Variants in TBC1D8B observed in about 807,000 individuals in gnomAD.
TBC1D8B encodes TBC1 domain family member 8B.
TBC1D8B carries 75 observed loss-of-function variants against 82.9 expected under a neutral mutation model. The ratio of observed to expected loss-of-function variants is 0.90; its 90% CI spans 0.75 to 1.10. TBC1D8B has a LOEUF of 1.10. Ranked by LOEUF, TBC1D8B falls within the 50% of genes least tolerant of loss-of-function variation. The probability of loss-of-function intolerance (pLI) is 0.00; values close to 1 mark genes in which losing one functional copy is unlikely to be tolerated. For missense variants in TBC1D8B, 794 were observed against 796.9 expected, an observed-to-expected ratio of 1.00 and a Z score of 0.04; for synonymous variants, 276 against 276.8, an observed-to-expected ratio of 1.00 and a Z score of 0.03.
chrX:106,806,560 C>T (rs1339353106), intron 1 of TBC1D8B, among the ~76,000 whole-genome samples: 1 of 111,549 alleles, frequency 9.0e-6, no homozygotes, highest in African/African-American at 3.3e-5. Flanking sequence ...CTACTAAGTA[C>T]TCTAGTATAT....
Position 106,865,396 on chromosome X carries a change from A to C in TBC1D8B, c.2353-163A>C, listed in dbSNP as rs1037146894. ...TTTTTAAAAGGAAAAATAGATAATA[A>C]CTTTATAATATAATAACTTATAATA... On this transcript the variant is annotated intron_variant, in intron 14 of 20. Transcript: ENST00000357242. The C allele has an allele frequency of 1.5e-5, 4 of 260,425 alleles. No individual in the cohort carries two copies. The Admixed American group carries it at 2.5e-4, about 17-fold the overall frequency. 21.5% of individuals were successfully genotyped at this position (260,425 alleles called of 1,213,427 possible).
At chrX:106,805,957 G>T (rs1569447898) in intron 1 of TBC1D8B, among the ~76,000 whole-genome samples, 1 of 112,429 alleles carries the variant, frequency 8.9e-6, no homozygotes, top group African/African-American at 3.2e-5. Context: ...ATGAAGAAAT[G>T]ATAATGATCA....
Position 106,873,938 on chromosome X carries a change from T to C in TBC1D8B, c.3336T>C (p.Ser1112=). Residue 1112 remains serine, a synonymous_variant, in exon 21 of 21, where the codon TCT becomes TCC. Transcript: ENST00000357242. ...CCAAGCTGGAAAATGCAAGAATTTC[T>C]CAGTTAAGGTCTAGAACCAAGATGT... ...VKAKLENARI[S]QLRSRTKM is the part of the protein sequence containing the mutation. 1.7e-6 allele frequency: 2 copies of C among 1,198,043 alleles called. No individual in the cohort carries two copies. Among genetic ancestry groups the C allele is most frequent in the Non-Finnish European group, 2.2e-6 (2 of 889,869 alleles).
At chrX:106,849,897 G>T in intron 11 of TBC1D8B, 128 bp from the exon 12 acceptor site, 1 of 1,071,919 alleles carries the variant, frequency 9.3e-7, no homozygotes, top group South Asian at 2.7e-5. Context: ...TACAGAAGAG[G>T]TTCTGAAAGA....
intron 2 of TBC1D8B, among the ~76,000 whole-genome samples, chrX:106,820,409 C>A (rs1011186383): frequency 2.7e-5 from 3 of 111,250 alleles, no homozygotes; most frequent in Middle Eastern, 9.2e-3. Flanking sequence ...AGTAGAGTGG[C>A]CACAGTTAAA....
At chrX:106,853,220 CTGTT>C (rs1380383472) in intron 12 of TBC1D8B, among the ~76,000 whole-genome samples, 1 of 111,118 alleles carries the variant, frequency 9.0e-6, no homozygotes, top group Non-Finnish European at 1.9e-5. Flanking sequence ...ATTTGGCTCT[CTGTT>C]TGTCTGTTAT....
At chrX:106,864,512 C>CTTTT in intron 14 of TBC1D8B, among the ~76,000 whole-genome samples, 1 of 82,489 alleles carries the variant, frequency 1.2e-5, no homozygotes, top group Non-Finnish European at 2.3e-5. Context: ...TGCTGGGCAC[C>CTTTT]TTTTTTTTTT....
At chrX:106,866,313 C>T (rs893626613) in intron 16 of TBC1D8B, among the ~76,000 whole-genome samples, 1 of 111,600 alleles carries the variant, frequency 9.0e-6, no homozygotes, top group Admixed American at 9.6e-5. Flanking sequence ...TGGGTACTAC[C>T]GAAGGACTTC....
At chrX:106,804,120 A>G (rs914127213) in intron 1 of TBC1D8B, among the ~76,000 whole-genome samples, 1 of 111,921 alleles carries the variant, frequency 8.9e-6, no homozygotes, top group African/African-American at 3.3e-5. Flanking sequence ...CTAAAGGAAA[A>G]AGAAAACCAC....
chrX:106,817,576 A>G (rs1022951561), intron 1 of TBC1D8B, among the ~76,000 whole-genome samples: 1 of 111,576 alleles, frequency 9.0e-6, no homozygotes, highest in Non-Finnish European at 1.9e-5. Flanking sequence ...AATAAGTTTC[A>G]TGTTCAGACC....
intron 17 of TBC1D8B, among the ~76,000 whole-genome samples, chrX:106,867,883 A>G (rs1304391094): frequency 1.8e-5 from 2 of 111,565 alleles, no homozygotes; most frequent in Non-Finnish European, 3.8e-5. Flanking sequence ...AGGAGTTTCC[A>G]TTGTCAAATC....
intron 20 of TBC1D8B, among the ~76,000 whole-genome samples, chrX:106,873,275 T>A (rs915937506): frequency 9.0e-6 from 1 of 110,997 alleles, no homozygotes; most frequent in African/African-American, 3.3e-5. Context: ...TTTTTTGTAT[T>A]TTTAGTAGAG....
chrX:106,812,768 A>G (rs954321032), intron 1 of TBC1D8B, among the ~76,000 whole-genome samples: 1 of 112,194 alleles, frequency 8.9e-6, no homozygotes, highest in African/African-American at 3.2e-5. Flanking sequence ...TGGAAGGGGC[A>G]ATTAATACCA....
At chrX:106,870,068 T>C (rs1178916187) in intron 19 of TBC1D8B, among the ~76,000 whole-genome samples, 1 of 111,164 alleles carries the variant, frequency 9.0e-6, no homozygotes. Context: ...TCTTGCTCTG[T>C]CGCCCAGGCT....
intron 10 of TBC1D8B, among the ~76,000 whole-genome samples, chrX:106,845,951 T>C (rs1932434249): frequency 9.1e-6 from 1 of 109,938 alleles, no homozygotes; most frequent in Non-Finnish European, 1.9e-5. Context: ...AGGGAACCAC[T>C]AGACAAGTCA....
intron 1 of TBC1D8B, among the ~76,000 whole-genome samples, chrX:106,803,323 G>A (rs1156502655): frequency 9.0e-6 from 1 of 111,652 alleles, no homozygotes; most frequent in Admixed American, 9.4e-5. Flanking sequence ...GCTGGTGACA[G>A]GGGCCAGTTC....
Position 106,873,701 on chromosome X carries a change from A to G in TBC1D8B, c.3099A>G (p.Leu1033=). The change falls in exon 21 of 21, where the codon CTA becomes CTG. Residue 1033 remains leucine, a synonymous_variant. Coordinates refer to ENST00000357242, the MANE Select transcript of TBC1D8B (RefSeq NM_017752.3). ...LLRMEEVGRK[L]HSPTSSAKGF... is the part of the protein sequence containing the mutation. ...GGATGGAAGAAGTTGGAAGGAAACT[A>G]CATAGCCCTACATCATCAGCCAAAG... is the stretch of plus-strand genomic sequence containing the variant. The G allele has an allele frequency of 8.3e-7, 1 of 1,211,605 alleles. No individual in the cohort carries two copies. The highest frequency in any genetic ancestry group is 1.1e-6 in the Non-Finnish European group (1 of 895,547).
chrX:106,845,332 G>T, intron 10 of TBC1D8B, among the ~76,000 whole-genome samples: 1 of 108,654 alleles, frequency 9.2e-6, no homozygotes, highest in East Asian at 2.9e-4. Flanking sequence ...AAGTTTTAGG[G>T]TACGTGTGCA....
chrX:106,803,536 G>A (rs1199980461), intron 1 of TBC1D8B, among the ~76,000 whole-genome samples: 3 of 110,881 alleles, frequency 2.7e-5, no homozygotes, highest in African/African-American at 9.9e-5. Context: ...TGGAGGGGTA[G>A]GCTCAGAATT....
Sources: gnomAD v4.1 joint callset for allele counts (sites outside exome capture counted in the v4.1 genomes callset) on GRCh38, gnomAD v4.1.1 for gene constraint, MANE v1.5 for transcripts, NCBI Gene and HGNC (gene_info 2026-07-23, HGNC 2026-07-21) for gene names.